SETD3: variants seen among roughly 807,000 people sequenced by gnomAD.
The protein encoded by SETD3 is SET domain containing 3, actin N3(tau)-histidine methyltransferase.
In SETD3, 19 loss-of-function variants were observed where a neutral mutation model predicts 63.0. The ratio of observed to expected loss-of-function variants is 0.30; its 90% CI spans 0.21 to 0.44. The LOEUF is 0.44. Ranked by LOEUF, SETD3 falls within the 20% of genes least tolerant of loss-of-function variation. The pLI is 1.00. For synonymous variants in SETD3, 286 were observed against 264.1 expected (o/e 1.08, Z -0.80); for missense variants, 587 against 728.5 (o/e 0.81, Z 2.24).
chr14:99,451,986 A>G, intron 6 of SETD3, among the ~76,000 whole-genome samples: 1 of 152,256 alleles, frequency 6.6e-6, no homozygotes, highest in South Asian at 2.1e-4. Context: ...TCAGGTGTTC[A>G]TACAGGTGTT....
chr14:99,462,675 C>T (rs141591822), intron 3 of SETD3, among the ~76,000 whole-genome samples: 2 of 152,288 alleles, frequency 1.3e-5, no homozygotes, highest in African/African-American at 4.8e-5. Context: ...TATGAAGGAA[C>T]CTGTTTGAAA....
chr14:99,440,646 A>G (rs1318165931), intron 6 of SETD3, among the ~76,000 whole-genome samples: 1 of 152,052 alleles, frequency 6.6e-6, no homozygotes, highest in Non-Finnish European at 1.5e-5. Context: ...AGAGCCAGTA[A>G]GAAGGTGCAG....
At chr14:99,478,835 A>G (rs1216435370) in intron 1 of SETD3, 1 of 152,244 alleles carries the variant, frequency 6.6e-6, no homozygotes, top group Non-Finnish European at 1.5e-5. Flanking sequence ...TCTCAAAACC[A>G]AAACAGTTGT....
chr14:99,398,874 A>G lies in SETD3; in HGVS notation c.1590T>C (p.Ala530=). ...TGATGTTCAAGGCATCCTGCACTCCAGCCTCCTCCTCGAGGTTTCTCAAGA... is the reference window on the plus strand; with the variant it reads ...TGATGTTCAAGGCATCCTGCACTCCGGCCTCCTCCTCGAGGTTTCTCAAGA... ...PLVLRNLEEE[A]GVQDALNIRE... The change falls in exon 13 of 13, where the codon GCT becomes GCC. Residue 530 remains alanine (A), a synonymous_variant. Transcript: ENST00000331768. 6.2e-7 allele frequency: 1 copy of G among 1,614,172 alleles called. No individual in the cohort carries two copies. Among genetic ancestry groups the G allele is most frequent in the Non-Finnish European group, 8.5e-7 (1 of 1,180,022 alleles).
intron 1 of SETD3, among the ~76,000 whole-genome samples, chr14:99,479,996 G>A (rs1442517822): frequency 2.6e-5 from 4 of 152,074 alleles, no homozygotes. Context: ...CTGGAGCCAC[G>A]AGGAGGAAGA....
At chr14:99,419,201 TATG>T (rs1165362303) in intron 6 of SETD3, among the ~76,000 whole-genome samples, 2 of 152,228 alleles carry the variant, frequency 1.3e-5, no homozygotes, top group East Asian at 3.8e-4. Flanking sequence ...ATTCACTTGA[TATG>T]ATGAAATAAA....
chr14:99,408,848 G>A (rs753832605), intron 8 of SETD3, among the ~76,000 whole-genome samples: 12 of 152,104 alleles, frequency 7.9e-5, no homozygotes, highest in South Asian at 2.1e-4. Context: ...CACAGGCCTC[G>A]CCCCTCCCTT....
intron 11 of SETD3, among the ~76,000 whole-genome samples, chr14:99,400,555 T>TA (rs1891335643): frequency 6.6e-6 from 1 of 152,210 alleles, no homozygotes; most frequent in African/African-American, 2.4e-5. Flanking sequence ...TTTCACAAGA[T>TA]ACTTTTTAAA....
At chr14:99,410,131 G>A (rs1488573722) in intron 8 of SETD3, 1 of 1,483,290 alleles carries the variant, frequency 6.7e-7, no homozygotes, top group Non-Finnish European at 9.4e-7. Context: ...CGCTGGAGGA[G>A]GTCTATGAGT....
intron 1 of SETD3, among the ~76,000 whole-genome samples, chr14:99,474,788 C>T (rs1203338972): frequency 6.6e-6 from 1 of 152,156 alleles, no homozygotes; most frequent in African/African-American, 2.4e-5. Context: ...CAAGATCGTG[C>T]CACTGCACTC....
chr14:99,475,952 C>A (rs1187569569), intron 1 of SETD3, among the ~76,000 whole-genome samples: 1 of 152,214 alleles, frequency 6.6e-6, no homozygotes, highest in Non-Finnish European at 1.5e-5. Context: ...AGTTTTTGAA[C>A]CTAAATGCAA....
At chr14:99,412,729 G>A in intron 8 of SETD3, 2 of 462,662 alleles carry the variant, frequency 4.3e-6, no homozygotes, top group Non-Finnish European at 3.8e-6. Flanking sequence ...AATGGTATAA[G>A]ATTCAAGCTC....
intron 8 of SETD3, among the ~76,000 whole-genome samples, chr14:99,410,632 G>A (rs1891934261): frequency 6.6e-6 from 1 of 152,150 alleles, no homozygotes; most frequent in African/African-American, 2.4e-5. Flanking sequence ...AAGATGTGTT[G>A]TTTCTTCCAG....
chr14:99,412,638 T>C (rs577723085), intron 8 of SETD3: 20 of 246,862 alleles, frequency 8.1e-5, no homozygotes, highest in Non-Finnish European at 1.5e-4. Context: ...GTTTAGTCTG[T>C]GGTACAATAA....
intron 6 of SETD3, among the ~76,000 whole-genome samples, chr14:99,416,885 G>A (rs751619280): frequency 1.3e-5 from 2 of 152,008 alleles, no homozygotes; most frequent in African/African-American, 2.4e-5. Context: ...ACCCAGGGAC[G>A]CACTCTTCCC....
intron 4 of SETD3, 77 bp downstream of exon 4, chr14:99,461,115 T>C: frequency 6.5e-7 from 1 of 1,530,496 alleles, no homozygotes; most frequent in South Asian, 1.2e-5. Context: ...CACGTCTACC[T>C]CTTCACCCTG....
intron 1 of SETD3, among the ~76,000 whole-genome samples, chr14:99,479,615 T>C (rs1439284970): frequency 6.6e-6 from 1 of 152,192 alleles, no homozygotes; most frequent in African/African-American, 2.4e-5. Flanking sequence ...GAGAGGTATA[T>C]TTTACATAAG....
At chr14:99,443,602 T>C (rs1893963555) in intron 6 of SETD3, among the ~76,000 whole-genome samples, 1 of 152,152 alleles carries the variant, frequency 6.6e-6, no homozygotes, top group Non-Finnish European at 1.5e-5. Context: ...TACTGAATTA[T>C]ATATGATTAG....
intron 1 of SETD3, among the ~76,000 whole-genome samples, chr14:99,467,810 T>G (rs896137190): frequency 2.0e-5 from 3 of 152,082 alleles, no homozygotes; most frequent in African/African-American, 7.2e-5. Context: ...CCTCACAGGG[T>G]GCCCACCAAC....
Sources: gnomAD v4.1 joint callset for allele counts (sites outside exome capture counted in the v4.1 genomes callset) on GRCh38, gnomAD v4.1.1 for gene constraint, MANE v1.5 for transcripts, NCBI Gene and HGNC (gene_info 2026-07-23, HGNC 2026-07-21) for gene names.